AGBL4: variants seen among roughly 807,000 people sequenced by gnomAD.
The protein encoded by AGBL4 is cytosolic carboxypeptidase 6.
A neutral mutation model predicts 66.4 loss-of-function variants in AGBL4; 58 were observed. The ratio of observed to expected loss-of-function variants is 0.87; its 90% CI spans 0.71 to 1.09. AGBL4 has a LOEUF of 1.09. Ranked by LOEUF, AGBL4 falls within the 50% of genes least tolerant of loss-of-function variation. The pLI, the probability that AGBL4 is intolerant of heterozygous loss-of-function variation, is 0.00. For missense variants in AGBL4, 579 were observed against 631.0 expected, an observed-to-expected ratio of 0.92 and a Z score of 0.88; for synonymous variants, 234 against 222.9, an observed-to-expected ratio of 1.05 and a Z score of -0.44.
chr1:48,848,375 T>C (rs1406767373), intron 6 of AGBL4, among the ~76,000 whole-genome samples: 5 of 152,222 alleles, frequency 3.3e-5, no homozygotes, highest in Non-Finnish European at 7.3e-5. Flanking sequence ...AAGTATTTCA[T>C]GGCTTTAATG....
chr1:49,315,487 T>C (rs1040450274), intron 3 of AGBL4, among the ~76,000 whole-genome samples: 3 of 152,032 alleles, frequency 2.0e-5, no homozygotes, highest in African/African-American at 7.2e-5. Flanking sequence ...ATTTTTGCAA[T>C]CTATCCATCT....
intron 4 of AGBL4, among the ~76,000 whole-genome samples, chr1:49,196,585 T>A (rs1181415783): frequency 6.6e-6 from 1 of 152,156 alleles, no homozygotes; most frequent in Admixed American, 6.5e-5. Context: ...TTTTTCATAC[T>A]TTCTGTATTA....
chr1:49,852,114 A>G (rs1646318523), intron 1 of AGBL4, among the ~76,000 whole-genome samples: 1 of 152,174 alleles, frequency 6.6e-6, no homozygotes, highest in Non-Finnish European at 1.5e-5. Flanking sequence ...AAAAATGGAA[A>G]GAGCATCCCT....
chr1:49,720,791 T>G (rs1473636725), intron 2 of AGBL4, among the ~76,000 whole-genome samples: 1 of 152,150 alleles, frequency 6.6e-6, no homozygotes. Context: ...TCAAGATATG[T>G]AAAAAGTGTT....
chr1:48,656,862 C>T (rs995979573), intron 7 of AGBL4, among the ~76,000 whole-genome samples: 1 of 152,146 alleles, frequency 6.6e-6, no homozygotes, highest in Non-Finnish European at 1.5e-5. Flanking sequence ...AGCTACCTAT[C>T]GGGTACTATG....
intron 3 of AGBL4, among the ~76,000 whole-genome samples, chr1:49,384,593 AAAAC>A (rs1271672639): frequency 3.3e-5 from 5 of 152,100 alleles, no homozygotes; most frequent in South Asian, 2.1e-4. Flanking sequence ...ACTCCATCTA[AAAAC>A]AAACAAACAA....
In AGBL4 at chr1:49,388,326, C is replaced by T. The variant is rs188052097; in HGVS notation, c.283-142462G>A. Among the ~76,000 whole-genome samples the T allele has an allele frequency of 1.6e-3, 239 of 151,986 alleles. 1 individual carries two copies. The highest frequency in any genetic ancestry group is 4.9e-3 in the African/African-American group (204 of 41,468). On this transcript the variant is annotated intron_variant, in intron 3 of 13. Coordinates refer to ENST00000371839, the MANE Select transcript of AGBL4 (RefSeq NM_032785.4). ...TGTAATATGAAAGCAGCCAAATACA[C>T]ATAAATAAATGGGCATTGTTGTGTT...
intron 3 of AGBL4, among the ~76,000 whole-genome samples, chr1:49,475,936 C>T (rs1188775042): frequency 6.6e-6 from 1 of 151,946 alleles, no homozygotes; most frequent in Non-Finnish European, 1.5e-5. Flanking sequence ...TTTAGTTATG[C>T]TCTGGTTTCA....
chr1:49,542,433 G>T (rs1032468614), intron 3 of AGBL4, among the ~76,000 whole-genome samples: 8 of 152,052 alleles, frequency 5.3e-5, no homozygotes, highest in Non-Finnish European at 1.0e-4. Context: ...CAACACATCC[G>T]AACATCAGAA....
intron 3 of AGBL4, among the ~76,000 whole-genome samples, chr1:49,640,701 A>G (rs1645764112): frequency 6.6e-6 from 1 of 152,168 alleles, no homozygotes; most frequent in Non-Finnish European, 1.5e-5. Flanking sequence ...AGATCTCCAT[A>G]GAAGGCCTTG....
intron 4 of AGBL4, among the ~76,000 whole-genome samples, chr1:49,112,806 G>C (rs1645439356): frequency 6.6e-6 from 1 of 152,086 alleles, no homozygotes; most frequent in African/African-American, 2.4e-5. Flanking sequence ...TAGTTATCTT[G>C]ACATTTCCAG....
At chr1:49,556,207 T>G (rs1643892866) in intron 3 of AGBL4, among the ~76,000 whole-genome samples, 1 of 152,050 alleles carries the variant, frequency 6.6e-6, no homozygotes, top group South Asian at 2.1e-4. Context: ...CCATAAAAAA[T>G]GATGAGTTCA....
At chr1:48,868,616 G>C (rs1454039161) in intron 5 of AGBL4, among the ~76,000 whole-genome samples, 1 of 152,140 alleles carries the variant, frequency 6.6e-6, no homozygotes, top group Non-Finnish European at 1.5e-5. Flanking sequence ...TCAATAAAAA[G>C]ATCTATGCAG....
intron 1 of AGBL4, among the ~76,000 whole-genome samples, chr1:49,971,210 G>A (rs1438995205): frequency 1.3e-5 from 2 of 152,156 alleles, no homozygotes; most frequent in East Asian, 3.8e-4. Context: ...ATTACATGCT[G>A]TTCTGAGTAG....
intron 1 of AGBL4, among the ~76,000 whole-genome samples, chr1:50,003,305 G>A (rs900141490): frequency 2.6e-5 from 4 of 152,092 alleles, no homozygotes; most frequent in South Asian, 2.1e-4. Context: ...AGATAGTTTC[G>A]GAATTAAGAA....
intron 8 of AGBL4, among the ~76,000 whole-genome samples, chr1:48,646,461 A>G (rs1645836180): frequency 6.8e-6 from 1 of 148,138 alleles, no homozygotes; most frequent in Non-Finnish European, 1.5e-5. Flanking sequence ...GATAGTTTGA[A>G]ATGTTTCTTC....
intron 1 of AGBL4, among the ~76,000 whole-genome samples, chr1:49,945,163 T>G (rs185260665): frequency 6.6e-6 from 1 of 152,056 alleles, no homozygotes; most frequent in Non-Finnish European, 1.5e-5. Flanking sequence ...TGAGGAAAAC[T>G]TCCCCCAGCC....
intron 3 of AGBL4, among the ~76,000 whole-genome samples, chr1:49,544,771 T>G (rs1425808258): frequency 2.0e-5 from 3 of 152,220 alleles, no homozygotes; most frequent in African/African-American, 7.2e-5. Context: ...TTGACTGGTT[T>G]CAAAACCTAT....
intron 3 of AGBL4, among the ~76,000 whole-genome samples, chr1:49,335,601 C>T (rs763292847): frequency 6.6e-5 from 10 of 151,914 alleles, no homozygotes; most frequent in Admixed American, 1.3e-4. Context: ...CTGCAAGCTC[C>T]GCCTCCCAGG....
Sources: allele counts gnomAD v4.1 joint callset (sites outside exome capture counted in the v4.1 genomes callset), GRCh38; gene constraint gnomAD v4.1.1; transcripts MANE v1.5; gene names NCBI Gene and HGNC (gene_info 2026-07-23, HGNC 2026-07-21).